Variants in ZNF609 observed in about 807,000 individuals in gnomAD.
The protein encoded by ZNF609 is zinc finger protein 609.
Under a neutral mutation model 109.5 loss-of-function variants are expected in ZNF609, and 11 were observed. The ratio of observed to expected loss-of-function variants is 0.10; its 90% confidence interval spans 0.06 to 0.17. ZNF609 has a LOEUF of 0.17. ZNF609 is among the 10% of genes least tolerant of loss of function. The pLI, the probability that ZNF609 is intolerant of heterozygous loss-of-function variation, is 1.00. For synonymous variants in ZNF609, 646 were observed against 662.0 expected, an observed-to-expected ratio of 0.98 and a Z score of 0.37; for missense variants, 1,559 against 1,772.4, an observed-to-expected ratio of 0.88 and a Z score of 2.16.
At chr15:64,482,575 A>T (rs1893271318) in intron 1 of ZNF609, among the ~76,000 whole-genome samples, 1 of 152,200 alleles carries the variant, frequency 6.6e-6, no homozygotes, top group Admixed American at 6.5e-5. Context: ...TTCTGTCCAT[A>T]AGAAGGGTTC....
At chr15:64,483,713 C>T (rs912742683) in intron 1 of ZNF609, among the ~76,000 whole-genome samples, 1 of 152,142 alleles carries the variant, frequency 6.6e-6, no homozygotes, top group Admixed American at 6.5e-5. Flanking sequence ...GACAGCATTA[C>T]ACTCTACTAT....
chr15:64,647,721 T>C (rs910567834), intron 3 of ZNF609, among the ~76,000 whole-genome samples: 2 of 152,178 alleles, frequency 1.3e-5, no homozygotes, highest in African/African-American at 4.8e-5. Context: ...TAAAAAAAGA[T>C]ACTTCTTAAA....
chr15:64,517,095 G>T (rs1893823469), intron 2 of ZNF609, among the ~76,000 whole-genome samples: 1 of 152,124 alleles, frequency 6.6e-6, no homozygotes, highest in Admixed American at 6.5e-5. Flanking sequence ...TTACCTCTGG[G>T]CTGGGTACGC....
chr15:64,473,812 C>T (rs1310588230), intron 1 of ZNF609, among the ~76,000 whole-genome samples: 6 of 151,982 alleles, frequency 3.9e-5, no homozygotes, highest in Admixed American at 2.0e-4. Flanking sequence ...GTCTGTCGCC[C>T]ACACCCCGTC....
intron 1 of ZNF609, among the ~76,000 whole-genome samples, chr15:64,497,398 T>C (rs1893496181): frequency 6.6e-6 from 1 of 152,138 alleles, no homozygotes. Context: ...TTCACCTGGC[T>C]CCCCTCCTTT....
Position 64,680,561 on chromosome 15 carries a change from T to TTGTGTG in ZNF609, c.3946-62_3946-57dup, listed in dbSNP as rs147044397. 4.9e-4 allele frequency: 560 copies of TTGTGTG among 1,133,816 alleles called. 1 individual carries two copies. The African/African-American group carries it at 5.7e-3, about 11-fold the overall frequency. 70.2% of individuals were successfully genotyped at this position (1,133,816 alleles called of 1,614,324 possible). ...TAAGGTGGCACCCTGGGCATCTCAC[T>TTGTGTG]TGTGTGTGTGTGTGTGTGTGTGTGT... On this transcript the variant is annotated intron_variant, in intron 7 of 9. Transcript: ENST00000326648.
At chr15:64,489,292 TCTC>T (rs1482724308) in intron 1 of ZNF609, among the ~76,000 whole-genome samples, 1 of 151,578 alleles carries the variant, frequency 6.6e-6, no homozygotes, top group African/African-American at 2.4e-5. Flanking sequence ...TTCAAGCAAT[TCTC>T]CTGCCTCAGC....
chr15:64,670,211 A>T, intron 3 of ZNF609, 135 bp from the exon 4 acceptor site: 1 of 694,828 alleles, frequency 1.4e-6, no homozygotes, highest in Non-Finnish European at 2.6e-6. Flanking sequence ...TTCTGGCCCA[A>T]TCCTATTTGT....
intron 2 of ZNF609, among the ~76,000 whole-genome samples, chr15:64,599,898 C>T (rs1198840504): frequency 1.3e-5 from 2 of 152,222 alleles, no homozygotes; most frequent in Non-Finnish European, 2.9e-5. Flanking sequence ...GAAACTACTA[C>T]TTATTCTTTA....
At chr15:64,587,798 G>A (rs74019266) in intron 2 of ZNF609, among the ~76,000 whole-genome samples, 1 of 152,184 alleles carries the variant, frequency 6.6e-6, no homozygotes, top group African/African-American at 2.4e-5. Flanking sequence ...ACTCCTGATT[G>A]TCTATGGATG....
intron 2 of ZNF609, among the ~76,000 whole-genome samples, chr15:64,547,622 C>G (rs1894387850): frequency 6.6e-6 from 1 of 151,846 alleles, no homozygotes; most frequent in South Asian, 2.1e-4. Flanking sequence ...ATGGAATTAC[C>G]TCTAGCCATT....
At chr15:64,480,783 G>A (rs1424177759) in intron 1 of ZNF609, among the ~76,000 whole-genome samples, 1 of 152,172 alleles carries the variant, frequency 6.6e-6, no homozygotes, top group Non-Finnish European at 1.5e-5. Flanking sequence ...GTCCTAATCA[G>A]AATAATGGGA....
intron 2 of ZNF609, among the ~76,000 whole-genome samples, chr15:64,542,144 G>A (rs942446829): frequency 2.0e-5 from 3 of 152,084 alleles, no homozygotes; most frequent in Non-Finnish European, 4.4e-5. Context: ...CACAGACAGA[G>A]TAGGTATTTC....
chr15:64,592,434 C>T (rs929797718), intron 2 of ZNF609, among the ~76,000 whole-genome samples: 18 of 152,002 alleles, frequency 1.2e-4, no homozygotes, highest in Admixed American at 3.3e-4. Flanking sequence ...AAAATTTAGC[C>T]AGCTCTGGTG....
chr15:64,578,771 C>T lies in ZNF609; in HGVS notation c.748-44056C>T, dbSNP rs528872835. On this transcript the variant is annotated intron_variant, in intron 2 of 9. Transcript: ENST00000326648. ...TCTAGCACTTTGGGAGGCCAAGGCG[C>T]ATGGATTGCGTGAGCTCAGGAGTTT... 5.3e-5 allele frequency among the ~76,000 whole-genome samples: 8 copies of T among 152,240 alleles called. No individual in the cohort carries two copies. The South Asian group carries it at 1.7e-3, about 32-fold the overall frequency.
intron 1 of ZNF609, among the ~76,000 whole-genome samples, chr15:64,466,974 G>C (rs1893024135): frequency 6.6e-6 from 1 of 152,022 alleles, no homozygotes. Context: ...GAGTTGAACT[G>C]CAGTCTCATG....
At position 64,670,432 on chromosome 15, in the gene ZNF609, A is replaced by C. The variant is rs1371790801; in HGVS notation, c.1060A>C (p.Arg354=). The change falls in exon 4 of 10, where the codon AGG becomes CGG. Residue 354 remains arginine, a splice_region_variant and synonymous_variant. Coordinates refer to ENST00000326648, the MANE Select transcript of ZNF609 (RefSeq NM_015042.2). ...DCTRHDWAPP[R]FCDSPTSDLE... is the part of the protein sequence containing the mutation. Reference sequence around the variant, plus strand: ...CACACGACATGATTGGGCACCCCCAAGGTAAGCACTTACAGCTATTTAGTT... The same window carrying C: ...CACACGACATGATTGGGCACCCCCACGGTAAGCACTTACAGCTATTTAGTT... The C allele has an allele frequency of 6.2e-7, 1 of 1,613,476 alleles. No homozygotes were observed. Among genetic ancestry groups the C allele is most frequent in the Non-Finnish European group, 8.5e-7 (1 of 1,179,348 alleles).
chr15:64,618,352 G>A (rs1895830948), intron 2 of ZNF609, among the ~76,000 whole-genome samples: 1 of 152,140 alleles, frequency 6.6e-6, no homozygotes, highest in Admixed American at 6.6e-5. Flanking sequence ...GCAGGCTATG[G>A]GGCTCCAACC....
At chr15:64,461,117 G>C (rs1466338780) in intron 1 of ZNF609, among the ~76,000 whole-genome samples, 1 of 149,556 alleles carries the variant, frequency 6.7e-6, no homozygotes, top group African/African-American at 2.5e-5. Context: ...AGGGGATTAG[G>C]GTCTGGCTAG....
Sources: allele counts gnomAD v4.1 joint callset (sites outside exome capture counted in the v4.1 genomes callset), GRCh38; gene constraint gnomAD v4.1.1; transcripts MANE v1.5; gene names NCBI Gene and HGNC (gene_info 2026-07-23, HGNC 2026-07-21).